The following HHLA2 variants were observed in gnomAD, a reference collection of about 807,000 sequenced individuals.
The protein encoded by HHLA2 is HHLA2 member of B7 family.
A neutral mutation model predicts 45.9 loss-of-function variants in HHLA2; 48 were observed. The observed-to-expected ratio is 1.05, with a 90% CI of 0.83 to 1.33. The LOEUF (loss-of-function observed/expected upper bound fraction) is 1.33. HHLA2 is among the 40% of genes most tolerant of loss of function. The probability of loss-of-function intolerance (pLI) is 0.00; values close to 1 mark genes in which losing one functional copy is unlikely to be tolerated. For synonymous variants in HHLA2, 161 were observed against 173.9 expected, an observed-to-expected ratio of 0.93 and a Z score of 0.59; for missense variants, 462 against 494.3, an observed-to-expected ratio of 0.93 and a Z score of 0.62.
intron 2 of HHLA2, among the ~76,000 whole-genome samples, chr3:108,316,571 C>A (rs1372285265): frequency 6.6e-6 from 1 of 152,080 alleles, no homozygotes; most frequent in Non-Finnish European, 1.5e-5. Flanking sequence ...GGAGAACCTG[C>A]AGACAACTGG....
At chr3:108,355,965 C>T (rs1399028237) in intron 6 of HHLA2, among the ~76,000 whole-genome samples, 2 of 151,636 alleles carry the variant, frequency 1.3e-5, no homozygotes, top group African/African-American at 4.8e-5. Flanking sequence ...TCTCTATATC[C>T]AAAACCTGTT....
At chr3:108,304,882 A>G (rs1560181338) in intron 1 of HHLA2, among the ~76,000 whole-genome samples, 1 of 152,130 alleles carries the variant, frequency 6.6e-6, no homozygotes, top group Non-Finnish European at 1.5e-5. Context: ...ACATTAGTAA[A>G]CTATTGATGA....
exon 11 of HHLA2, chr3:108,377,416 T>G: frequency 1.6e-6 from 1 of 621,756 alleles, no homozygotes; most frequent in Non-Finnish European, 2.9e-6. Context: ...TTGTAACCAT[T>G]TTCTGGTATC....
intron 10 of HHLA2, chr3:108,376,816 A>G: frequency 2.5e-6 from 1 of 405,880 alleles, no homozygotes; most frequent in East Asian, 4.4e-5. Context: ...AAGATCTCCA[A>G]TGGCATTGTG....
chr3:108,346,802 C>G (rs1406164467), intron 3 of HHLA2, among the ~76,000 whole-genome samples: 1 of 152,182 alleles, frequency 6.6e-6, no homozygotes, highest in Non-Finnish European at 1.5e-5. Context: ...TTTGCATCAT[C>G]ATGTCACAAT....
intron 5 of HHLA2, among the ~76,000 whole-genome samples, 161 bp from the exon 5 acceptor site, chr3:108,354,954 G>T (rs1305336656): frequency 6.6e-6 from 1 of 152,102 alleles, no homozygotes; most frequent in Non-Finnish European, 1.5e-5. Flanking sequence ...GTTCTACAGA[G>T]GTGTGTGTTT....
intron 1 of HHLA2, among the ~76,000 whole-genome samples, chr3:108,300,439 G>C (rs1180832373): frequency 6.6e-6 from 1 of 152,150 alleles, no homozygotes; most frequent in Non-Finnish European, 1.5e-5. Flanking sequence ...AACCAGTTAG[G>C]GGGTAGAGAA....
intron 3 of HHLA2, 100 bp from the exon 3 acceptor site, chr3:108,351,688 A>G: frequency 1.5e-6 from 1 of 673,970 alleles, no homozygotes; most frequent in Non-Finnish European, 2.5e-6. Context: ...TATTATATTT[A>G]ATGGCCACAA....
intron 3 of HHLA2, among the ~76,000 whole-genome samples, chr3:108,335,427 C>G (rs546090688): frequency 6.0e-4 from 92 of 152,214 alleles, no homozygotes; most frequent in Non-Finnish European, 1.0e-4. Flanking sequence ...GATTTTGCAG[C>G]TTTAGAGTCT....
At chr3:108,353,531 T>C in exon 5 of HHLA2, 1 of 1,612,944 alleles carries the variant, frequency 6.2e-7, no homozygotes, top group Non-Finnish European at 8.5e-7. Flanking sequence ...TGAGAGGGGA[T>C]CCGAAGTCGT....
At chr3:108,326,717 T>C (rs1576122304) in intron 2 of HHLA2, 1 of 152,384 alleles carries the variant, frequency 6.6e-6, no homozygotes, top group East Asian at 1.9e-4. Context: ...CTGCTCAAAA[T>C]GGCTGTAGAA....
chr3:108,357,872 C>T (rs138516182), exon 7 of HHLA2: 110 of 1,612,082 alleles, frequency 6.8e-5, no homozygotes, highest in East Asian at 3.3e-4. Flanking sequence ...AAAGTGAACA[C>T]GTTTCACTCT....
rs117742012 is a variant in HHLA2 at position 108,345,196 on chromosome 3, T to C, written c.-26-6592T>C. On this transcript the variant is annotated intron_variant, in intron 3 of 10. Coordinates refer to ENST00000619531, the Ensembl canonical transcript of HHLA2. ...TGTGGCTTCAGGTGAAGGCTCAGCC[T>C]GAACCCAAGGGAGCTCTGGGCTACA... is the stretch of plus-strand genomic sequence containing the variant. Among the ~76,000 whole-genome samples, 71 of 152,336 alleles carry C rather than the reference T, an allele frequency of 4.7e-4. No homozygotes were observed. In the East Asian group the frequency reaches 0.011, roughly 24 times the overall value.
In HHLA2 at chr3:108,332,530, C is replaced by G. The variant is rs2081403640; in HGVS notation, c.-27+4183C>G. Among the ~76,000 whole-genome samples the G allele has an allele frequency of 2.0e-5, 3 of 152,278 alleles. No homozygotes were observed. In the South Asian group the frequency reaches 6.2e-4, roughly 32 times the overall value. On this transcript the variant is annotated intron_variant, in intron 3 of 10. Coordinates refer to ENST00000619531, the Ensembl canonical transcript of HHLA2. Reference sequence around the variant, plus strand: ...ATTATTACTTCTCTGATTATTATAACAGAGTCCTAACAGTAGAGTTGCTGA... The same window carrying G: ...ATTATTACTTCTCTGATTATTATAAGAGAGTCCTAACAGTAGAGTTGCTGA...
At chr3:108,315,734 T>C (rs2081091126) in intron 2 of HHLA2, among the ~76,000 whole-genome samples, 2 of 152,198 alleles carry the variant, frequency 1.3e-5, no homozygotes, top group Non-Finnish European at 2.9e-5. Flanking sequence ...AATAGAAGTA[T>C]ATGTGGTAGT....
At chr3:108,336,128 C>A (rs1322876313) in intron 3 of HHLA2, among the ~76,000 whole-genome samples, 1 of 151,922 alleles carries the variant, frequency 6.6e-6, no homozygotes, top group Non-Finnish European at 1.5e-5. Context: ...GTTATTTGAT[C>A]AAAAAGAAAG....
rs755035135 is a variant in HHLA2 at position 108,375,816 on chromosome 3, C to T, written c.1159+16C>T. On this transcript the variant is annotated intron_variant, in intron 9 of 10. Transcript: ENST00000619531. ...GCCCAACAAGGTCAGCCTCCCATGT[C>T]TGAGAGAAGAATGGATTCTGGTTCT... 6.2e-6 allele frequency: 10 copies of T among 1,608,710 alleles called. No individual in the cohort carries two copies. In the African/African-American group the frequency reaches 1.2e-4, roughly 19 times the overall value.
intron 2 of HHLA2, among the ~76,000 whole-genome samples, chr3:108,316,755 C>T (rs2081109716): frequency 6.6e-6 from 1 of 152,162 alleles, no homozygotes; most frequent in Non-Finnish European, 1.5e-5. Context: ...AATTACTATG[C>T]TTACTAAATC....
At chr3:108,341,440 A>G (rs753628485) in intron 3 of HHLA2, among the ~76,000 whole-genome samples, 1 of 152,216 alleles carries the variant, frequency 6.6e-6, no homozygotes, top group Non-Finnish European at 1.5e-5. Context: ...CTAATGGCTC[A>G]TAACTAACGT....
Sources: allele counts gnomAD v4.1 joint callset (sites outside exome capture counted in the v4.1 genomes callset), GRCh38; gene constraint gnomAD v4.1.1; transcripts MANE v1.5; gene names NCBI Gene and HGNC (gene_info 2026-07-23, HGNC 2026-07-21).